The following LRRC4B variants were observed in gnomAD, a reference collection of about 807,000 sequenced individuals.
The protein encoded by LRRC4B is leucine-rich repeat-containing protein 4B.
A neutral mutation model predicts 7.3 loss-of-function variants in LRRC4B; 1 was observed. The observed-to-expected ratio is 0.14, with a 90% CI of 0.05 to 0.65. The LOEUF (loss-of-function observed/expected upper bound fraction) is 0.65, where lower values mean the gene tolerates loss of function less well. LRRC4B is among the 30% of genes least tolerant of loss of function. LRRC4B has a pLI of 0.84. For missense variants in LRRC4B, 730 were observed against 1,041.6 expected, an observed-to-expected ratio of 0.70 and a Z score of 4.12; for synonymous variants, 500 against 499.2, an observed-to-expected ratio of 1.00 and a Z score of -0.02.
chr19:50,564,374 G>A (rs1599789320), intron 1 of LRRC4B, among the ~76,000 whole-genome samples: 2 of 152,120 alleles, frequency 1.3e-5, no homozygotes, highest in African/African-American at 4.8e-5. Flanking sequence ...AGGGAGCCAC[G>A]GGGAAGGAGC....
rs1982523217 is a variant in LRRC4B, at chr19:50,563,119, T to C, written c.-36+4825A>G. On this transcript the variant is annotated intron_variant, in intron 1 of 2. Transcript: ENST00000652263. This position sits in a 1 kb window ranked among gnomAD's most constrained non-coding sequence, Gnocchi z 4.9. ...CCATTCTCACTCTCAGCAGCCCTCC[T>C]GGGGAAACAGCAGTCCCCTGGGCTC... is the stretch of plus-strand genomic sequence containing the variant. 6.6e-6 allele frequency among the ~76,000 whole-genome samples: 1 copy of C among 152,044 alleles called. No homozygotes were observed. The highest frequency in any genetic ancestry group is 6.6e-5 in the Admixed American group (1 of 15,252).
At chr19:50,525,826 C>T (rs1980787126) in intron 2 of LRRC4B, among the ~76,000 whole-genome samples, 1 of 152,088 alleles carries the variant, frequency 6.6e-6, no homozygotes, top group Admixed American at 6.6e-5. Flanking sequence ...TGCCAATGGC[C>T]CCAGCTGCAC....
At position 50,548,603 on chromosome 19, in the gene LRRC4B, T is replaced by C. The variant is rs751928415; in HGVS notation, c.236A>G (p.Glu79Gly). The C allele has an allele frequency of 8.7e-6, 14 of 1,601,468 alleles. No individual in the cohort carries two copies. Residue 79 changes from glutamate (E) to glycine (G), a missense_variant, in exon 2 of 3, where the codon GAG (glutamate) becomes GGG (glycine). Physicochemically the swap from Glu to Gly is moderately conservative, Grantham distance 98. This residue lies in a region of LRRC4B where 143 missense variants were observed against 158.4 expected (regional missense o/e 0.90). Coordinates refer to ENST00000652263, the MANE Select transcript of LRRC4B (RefSeq NM_001080457.2). This position sits in a 1 kb window ranked among gnomAD's most constrained non-coding sequence, Gnocchi z 6.8. ...GTTGACCGGGATGCTGGCTGGGACCTCGGCCAGGTCTCTCCGTGTGCAGAT... is the reference window on the plus strand; with the variant it reads ...GTTGACCGGGATGCTGGCTGGGACCCCGGCCAGGTCTCTCCGTGTGCAGAT... The part of the protein sequence containing the change: ...RVICTRRDLA[E>G]VPASIPVNTR...
intron 2 of LRRC4B, among the ~76,000 whole-genome samples, chr19:50,545,504 C>G (rs545994790): frequency 1.3e-5 from 2 of 151,800 alleles, no homozygotes; most frequent in Admixed American, 1.3e-4. Flanking sequence ...TCACTTGAGC[C>G]AGGGAAGTTA....
chr19:50,546,473 G>A (rs1981812680), intron 2 of LRRC4B, among the ~76,000 whole-genome samples: 1 of 152,146 alleles, frequency 6.6e-6, no homozygotes, highest in Non-Finnish European at 1.5e-5. Context: ...CCACTCTCGT[G>A]GACTGGACGA....
At chr19:50,535,994 G>A (rs888600806) in intron 2 of LRRC4B, among the ~76,000 whole-genome samples, 1 of 152,206 alleles carries the variant, frequency 6.6e-6, no homozygotes, top group Non-Finnish European at 1.5e-5. Flanking sequence ...CTGCGGGTGG[G>A]GTGGGAGAGT....
chr19:50,543,409 C>A (rs1887872487), intron 2 of LRRC4B, among the ~76,000 whole-genome samples: 1 of 151,418 alleles, frequency 6.6e-6, no homozygotes, highest in South Asian at 2.1e-4. Flanking sequence ...GAGGAAGCCA[C>A]ATAGAACTCA....
intron 2 of LRRC4B, among the ~76,000 whole-genome samples, chr19:50,533,823 T>C (rs1981154702): frequency 6.6e-6 from 1 of 152,210 alleles, no homozygotes; most frequent in South Asian, 2.1e-4. Context: ...TGGTGGTTCA[T>C]AGCTGAGAAA....
rs1395813692 is a variant in LRRC4B at position 50,519,041 on chromosome 19, G to A, written c.672C>T (p.Asn224=). The stretch of plus-strand genomic sequence containing the variant: ...CCTCCAGGCGCACCAGGGCCGTCAG[G>A]TTGGGGATGTCCTTGAGGTTGCACA... ...LGMCNLKDIP[N]LTALVRLEEL... Residue 224 remains asparagine (N), a synonymous_variant, in exon 3 of 3, where the codon AAC becomes AAT. Coordinates refer to ENST00000652263, the MANE Select transcript of LRRC4B (RefSeq NM_001080457.2). The surrounding 1 kb of genome is among the most constrained non-coding windows in gnomAD (Gnocchi z 8.1). The A allele has an allele frequency of 1.2e-6, 2 of 1,610,576 alleles. No individual in the cohort carries two copies. The highest frequency in any genetic ancestry group is 1.3e-5 in the African/African-American group (1 of 74,930).
intron 2 of LRRC4B, among the ~76,000 whole-genome samples, chr19:50,522,854 A>G (rs1980642770): frequency 6.6e-6 from 1 of 152,326 alleles, no homozygotes; most frequent in South Asian, 2.1e-4. Flanking sequence ...ATGTTTCAAG[A>G]CCACTAAGAT....
chr19:50,518,322 G>A lies in LRRC4B; in HGVS notation c.1391C>T (p.Thr464Ile). ...CCCAGGGCCGCCCCCGCCGCTGCCGGTGCCCCCGGCCGCCACGGGGTCCAC... is the reference window on the plus strand; with the variant it reads ...CCCAGGGCCGCCCCCGCCGCTGCCGATGCCCCCGGCCGCCACGGGGTCCAC... ...SAVDPVAAGG[T>I]GSGGGGPGGS... Residue 464 changes from threonine to isoleucine, a missense_variant, in exon 3 of 3, where the codon ACC (threonine) becomes ATC (isoleucine). By Grantham distance (89) the Thr-to-Ile change is moderately conservative. Around this residue, in one of 6 missense-constraint regions of LRRC4B, gnomAD observed 192 missense variants for 228.6 expected, o/e 0.84. Transcript: ENST00000652263. 2 of 1,606,022 alleles carry A rather than the reference G, an allele frequency of 1.2e-6. No individual in the cohort carries two copies.
chr19:50,524,640 T>C (rs1365310204), intron 2 of LRRC4B, among the ~76,000 whole-genome samples: 2 of 152,194 alleles, frequency 1.3e-5, no homozygotes, highest in African/African-American at 4.8e-5. Flanking sequence ...TTTACTAATA[T>C]ATTTATTTAG....
chr19:50,522,666 C>T (rs888486084), intron 2 of LRRC4B, among the ~76,000 whole-genome samples: 59 of 152,036 alleles, frequency 3.9e-4, no homozygotes, highest in African/African-American at 1.4e-3. Flanking sequence ...TTAGTAGAGA[C>T]AGGGTTTTGC....
At chr19:50,562,986 C>T (rs1368360099) in intron 1 of LRRC4B, among the ~76,000 whole-genome samples, 4 of 152,062 alleles carry the variant, frequency 2.6e-5, no homozygotes, top group Admixed American at 6.6e-5. Flanking sequence ...GTGATCCACC[C>T]GCCTCAGCCT....
chr19:50,544,372 T>A (rs1342667196), intron 2 of LRRC4B, among the ~76,000 whole-genome samples: 1 of 151,672 alleles, frequency 6.6e-6, no homozygotes, highest in East Asian at 1.9e-4. Context: ...CTGGGTGTGG[T>A]GGCGGGCACC....
intron 2 of LRRC4B, among the ~76,000 whole-genome samples, chr19:50,541,502 C>T (rs960310386): frequency 1.2e-4 from 18 of 152,260 alleles, no homozygotes; most frequent in African/African-American, 3.9e-4. Context: ...GGTTGGGGAC[C>T]GCTGATGTAA....
intron 2 of LRRC4B, among the ~76,000 whole-genome samples, chr19:50,530,347 C>T (rs1981002399): frequency 6.6e-6 from 1 of 152,176 alleles, no homozygotes; most frequent in Non-Finnish European, 1.5e-5. Context: ...CTGCATGGCC[C>T]CTCACTCGCA....
intron 2 of LRRC4B, among the ~76,000 whole-genome samples, chr19:50,538,106 C>A (rs1313460456): frequency 3.4e-5 from 5 of 149,182 alleles, no homozygotes; most frequent in African/African-American, 1.3e-4. Flanking sequence ...GTTGCCCAGG[C>A]TGGAGTGCAG....
In LRRC4B at chr19:50,517,912, T is replaced by G; in HGVS notation, c.1801A>C (p.Lys601Gln). ...VMLVAFYKLR[K>Q]QHQLHKHHGP... ...TGGTGCTTGTGGAGCTGGTGCTGCT[T>G]GCGCAGCTTGTAGAAGGCCACGAGC... Residue 601 changes from lysine to glutamine, a missense_variant, in exon 3 of 3, where the codon AAG becomes CAG. Physicochemically the swap from Lys to Gln is moderately conservative, Grantham distance 53. Transcript: ENST00000652263. This position sits in a 1 kb window ranked among gnomAD's most constrained non-coding sequence, Gnocchi z 6.6. The G allele has an allele frequency of 6.3e-7, 1 of 1,580,794 alleles. No homozygotes were observed. The highest frequency in any genetic ancestry group is 8.6e-7 in the Non-Finnish European group (1 of 1,168,652).
Sources: gnomAD v4.1 joint callset for allele counts (sites outside exome capture counted in the v4.1 genomes callset) on GRCh38, gnomAD v4.1.1 for gene constraint, gnomAD v4.1.1 regional missense constraint, Gnocchi (gnomAD v3.1) non-coding constraint, MANE v1.5 for transcripts, NCBI Gene and HGNC (gene_info 2026-07-23, HGNC 2026-07-21) for gene names.